The following MYH11 variants were observed in gnomAD, a reference collection of about 807,000 sequenced individuals.
The protein encoded by MYH11 is myosin heavy chain 11.
Under a neutral mutation model 246.6 loss-of-function variants are expected in MYH11, and 80 were observed. The ratio of observed to expected loss-of-function variants is 0.32; its 90% CI spans 0.27 to 0.39. The LOEUF is 0.39. Ranked by LOEUF, MYH11 falls within the 10% of genes least tolerant of loss-of-function variation. The pLI is 1.00. For synonymous variants in MYH11, 1,071 were observed against 1,015.5 expected, an observed-to-expected ratio of 1.05 and a Z score of -1.04; for missense variants, 2,158 against 2,546.8, an observed-to-expected ratio of 0.85 and a Z score of 3.29.
intron 3 of MYH11, among the ~76,000 whole-genome samples, chr16:15,807,586 C>T (rs868000817): frequency 1.3e-5 from 2 of 152,022 alleles, no homozygotes; most frequent in South Asian, 2.1e-4. Context: ...CCAAAGTGGG[C>T]GGGGACACAG....
At chr16:15,802,726 G>T (rs1314305466) in intron 3 of MYH11, among the ~76,000 whole-genome samples, 1 of 152,134 alleles carries the variant, frequency 6.6e-6, no homozygotes, top group Non-Finnish European at 1.5e-5. Flanking sequence ...TGGGATTACA[G>T]GCGTGAGCCA....
chr16:15,727,345 C>T (rs1018347297), intron 27 of MYH11, among the ~76,000 whole-genome samples: 4 of 152,034 alleles, frequency 2.6e-5, no homozygotes, highest in African/African-American at 7.2e-5. Context: ...GGATTACAGG[C>T]GCCCGCCACC....
rs770225374 is a variant in MYH11, at chr16:15,837,898, C to T, written c.345+10G>A. The T allele has an allele frequency of 1.3e-5, 21 of 1,612,224 alleles. No homozygotes were observed. The highest frequency in any genetic ancestry group is 1.6e-5 in the Non-Finnish European group (19 of 1,178,302). On this transcript the variant is annotated intron_variant, in intron 2 of 40. Coordinates refer to ENST00000300036, the MANE Select transcript of MYH11 (RefSeq NM_002474.3). Reference sequence around the variant, plus strand: ...CCAGGAGTAGGTACCTGGCTGCCTGCAATACTCACATATATTAGCCCTGAG... The same window carrying T: ...CCAGGAGTAGGTACCTGGCTGCCTGTAATACTCACATATATTAGCCCTGAG...
At position 15,717,161 on chromosome 16, in the gene MYH11, T is replaced by A. The variant is rs1365841164; in HGVS notation, c.5483A>T (p.Glu1828Val). 1.2e-6 allele frequency: 2 copies of A among 1,614,042 alleles called. No individual in the cohort carries two copies. Among genetic ancestry groups the A allele is most frequent in the Non-Finnish European group, 1.7e-6 (2 of 1,180,030 alleles). ...ALEAKIAQLE[E>V]QVEQEAREKQ... ...ATACCTGGCCTCCTGCTCGACCTGC[T>A]CCTCCAGCTGTGCAATCTTGGCCTC... The change falls in exon 38 of 41, where the codon GAG becomes GTG. Residue 1828 changes from glutamate to valine, a missense_variant. Around this residue, in one of 11 missense-constraint regions of MYH11, gnomAD observed 1,013 missense variants for 993.5 expected, o/e 1.02. Transcript: ENST00000300036.
At chr16:15,758,347 A>G (rs557352377) in intron 12 of MYH11, among the ~76,000 whole-genome samples, 30 of 152,310 alleles carry the variant, frequency 2.0e-4, no homozygotes, top group Admixed American at 1.2e-3. Flanking sequence ...GTGACTCGGT[A>G]GTACACTTCT....
Position 15,719,242 on chromosome 16 carries a change from G to T in MYH11, c.5149C>A (p.Leu1717Met), listed in dbSNP as rs775007509. 4 of 1,613,518 alleles carry T rather than the reference G, an allele frequency of 2.5e-6. No homozygotes were observed. In the East Asian group the frequency reaches 8.9e-5, roughly 36 times the overall value. ...TACCTTCCCGACAGGCTACTGGCCA[G>T]CTCCTCTGCCAGTTCCTCCTTCTCG... ...DLEKEELAEE[L>M]ASSLSGRNAL... The change falls in exon 36 of 41, where the codon CTG becomes ATG. Residue 1717 changes from leucine (L) to methionine (M), a missense_variant. Physicochemically the swap from Leu to Met is conservative, Grantham distance 15 (BLOSUM62 2). Transcript: ENST00000300036.
intron 9 of MYH11, 37 bp downstream of exon 9, chr16:15,771,532 G>C (rs2042100590): frequency 6.2e-7 from 1 of 1,611,544 alleles, no homozygotes; most frequent in Non-Finnish European, 8.5e-7. Context: ...CTGGTATCCA[G>C]GCAAGCTACC....
chr16:15,839,518 C>A (rs2043995703), intron 1 of MYH11, among the ~76,000 whole-genome samples: 2 of 151,524 alleles, frequency 1.3e-5, no homozygotes, highest in South Asian at 4.2e-4. Context: ...CATGGTGAGA[C>A]CCCTGTCTCT....
intron 22 of MYH11, 76 bp downstream of exon 22, chr16:15,741,386 TG>T: frequency 6.7e-7 from 1 of 1,488,796 alleles, no homozygotes; most frequent in Non-Finnish European, 9.3e-7. Flanking sequence ...CACATATCCC[TG>T]GATGCACCTC....
In MYH11 at chr16:15,732,511, G is replaced by C; in HGVS notation, c.3651+53C>G. The C allele has an allele frequency of 8.7e-6, 14 of 1,613,252 alleles. No homozygotes were observed. In the South Asian group the frequency reaches 1.5e-4, roughly 18 times the overall value. ...CCCTGACCTGTAGTAATTTGAGGCT[G>C]CTGATGTCACTCTTATGTGTCATCA... On this transcript the variant is annotated intron_variant, in intron 27 of 40. Coordinates refer to ENST00000300036, the MANE Select transcript of MYH11 (RefSeq NM_002474.3).
chr16:15,718,991 G>T (rs1020071752), intron 36 of MYH11: 2 of 562,752 alleles, frequency 3.6e-6, no homozygotes, highest in Non-Finnish European at 6.4e-6. Flanking sequence ...AGCCAGGCAT[G>T]GTGGTACACA....
chr16:15,796,406 G>A (rs2042743466), intron 4 of MYH11, among the ~76,000 whole-genome samples: 1 of 152,160 alleles, frequency 6.6e-6, no homozygotes, highest in Non-Finnish European at 1.5e-5. Context: ...AGCTCAGAGA[G>A]GTCAAGTGAC....
At chr16:15,828,949 C>A (rs770173983) in intron 2 of MYH11, among the ~76,000 whole-genome samples, 3 of 151,670 alleles carry the variant, frequency 2.0e-5, no homozygotes, top group African/African-American at 7.3e-5. Flanking sequence ...TTTGGGAAAT[C>A]GAGGAGGTCA....
At chr16:15,734,076 AGT>A (rs1356090380) in intron 26 of MYH11, among the ~76,000 whole-genome samples, 1 of 152,236 alleles carries the variant, frequency 6.6e-6, no homozygotes, top group Non-Finnish European at 1.5e-5. Context: ...GTTTCACTAG[AGT>A]CAGGATTCGT....
intron 4 of MYH11, 136 bp from the exon 5 acceptor site, chr16:15,786,868 A>G (rs1353292336): frequency 8.0e-6 from 7 of 869,894 alleles, no homozygotes; most frequent in Non-Finnish European, 1.3e-5. Context: ...AGGGGAAGTA[A>G]CTTGCCCAAG....
At chr16:15,786,512 A>G in intron 5 of MYH11, 118 bp downstream of exon 5, 1 of 966,644 alleles carries the variant, frequency 1.0e-6, no homozygotes, top group Non-Finnish European at 1.7e-6. Flanking sequence ...TCTTCAGGGG[A>G]GGGGTAGTCA....
At chr16:15,823,136 C>T (rs183922318) in intron 3 of MYH11, 119 bp downstream of exon 3, 4 of 1,408,352 alleles carry the variant, frequency 2.8e-6, no homozygotes, top group Non-Finnish European at 3.9e-6. Context: ...TTTTCAGCCA[C>T]AGTAACTCCT....
At chr16:15,775,539 A>G (rs925362748) in intron 8 of MYH11, among the ~76,000 whole-genome samples, 1 of 152,220 alleles carries the variant, frequency 6.6e-6, no homozygotes, top group Non-Finnish European at 1.5e-5. Context: ...GCAGAGTTGA[A>G]TAGCTGTGCC....
In MYH11 at chr16:15,718,385, T is replaced by A; in HGVS notation, c.5225A>T (p.Glu1742Val). The A allele has an allele frequency of 6.2e-7, 1 of 1,600,506 alleles. No homozygotes were observed. Among genetic ancestry groups the A allele is most frequent in the South Asian group, 1.1e-5 (1 of 90,218 alleles). Reference protein sequence around the residue: ...RRLEARIAQLEEELEEEQGNM... With the variant: ...RRLEARIAQLVEELEEEQGNM... Reference sequence around the variant, plus strand: ...GCCCTGCTCCTCCTCCAGCTCCTCCTCCAGCTGGGCGATCCGGGCCTCCAG... The same window carrying A: ...GCCCTGCTCCTCCTCCAGCTCCTCCACCAGCTGGGCGATCCGGGCCTCCAG... The change falls in exon 37 of 41, where the codon GAG (glutamate) becomes GTG (valine). Residue 1742 changes from glutamate to valine, a missense_variant. Glu to Val is a moderately radical substitution (Grantham distance 121). Transcript: ENST00000300036.
Sources: allele counts gnomAD v4.1 joint callset (sites outside exome capture counted in the v4.1 genomes callset), GRCh38; gene constraint gnomAD v4.1.1; regional missense constraint gnomAD v4.1.1; transcripts MANE v1.5; gene names NCBI Gene and HGNC (gene_info 2026-07-23, HGNC 2026-07-21).